Variants in ANTXR1 observed in about 807,000 individuals in gnomAD.
The protein encoded by ANTXR1 is ANTXR cell adhesion molecule 1.
Under a neutral mutation model 78.1 loss-of-function variants are expected in ANTXR1, and 19 were observed. The observed-to-expected ratio is 0.24, with a 90% CI of 0.17 to 0.36. ANTXR1 has a LOEUF of 0.36. ANTXR1 is among the 10% of genes least tolerant of loss of function. ANTXR1 has a pLI of 1.00. For synonymous variants in ANTXR1, 273 were observed against 260.5 expected, an observed-to-expected ratio of 1.05 and a Z score of -0.46; for missense variants, 518 against 718.6, an observed-to-expected ratio of 0.72 and a Z score of 3.19.
intron 17 of ANTXR1, among the ~76,000 whole-genome samples, chr2:69,193,978 G>T (rs1184306032): frequency 6.6e-6 from 1 of 152,266 alleles, no homozygotes; most frequent in Non-Finnish European, 1.5e-5. Context: ...TCAAGGCTAA[G>T]CTTGGAATAT....
chr2:69,139,791 A>G (rs547439004), intron 12 of ANTXR1, among the ~76,000 whole-genome samples: 1 of 152,358 alleles, frequency 6.6e-6, no homozygotes, highest in African/African-American at 2.4e-5. Context: ...AATCAGACCA[A>G]TTGAGCATAT....
chr2:69,220,647 T>G (rs1337604144), intron 17 of ANTXR1, among the ~76,000 whole-genome samples: 1 of 152,234 alleles, frequency 6.6e-6, no homozygotes, highest in Non-Finnish European at 1.5e-5. Flanking sequence ...TAAAACAACT[T>G]TTCAAAACAT....
intron 12 of ANTXR1, among the ~76,000 whole-genome samples, chr2:69,132,446 T>C (rs1335398812): frequency 6.6e-6 from 1 of 152,238 alleles, no homozygotes; most frequent in Non-Finnish European, 1.5e-5. Context: ...CCTGGTTTTG[T>C]AGTCATTATG....
At chr2:69,053,292 A>G (rs1256582236) in intron 3 of ANTXR1, among the ~76,000 whole-genome samples, 1 of 152,220 alleles carries the variant, frequency 6.6e-6, no homozygotes, top group African/African-American at 2.4e-5. Flanking sequence ...AAACATTTAT[A>G]TGTAGCATAA....
At chr2:69,016,745 CAT>C in intron 1 of ANTXR1, among the ~76,000 whole-genome samples, 2 of 152,282 alleles carry the variant, frequency 1.3e-5, no homozygotes, top group Middle Eastern at 6.8e-3. Flanking sequence ...ATTTTGTTTA[CAT>C]GTTTTTCTTA....
At chr2:69,151,043 AATT>A (rs1433821967) in intron 12 of ANTXR1, among the ~76,000 whole-genome samples, 5 of 152,008 alleles carry the variant, frequency 3.3e-5, no homozygotes, top group Non-Finnish European at 7.4e-5. Context: ...GAATAAATAA[AATT>A]ATTTGACAAT....
chr2:69,102,990 A>T, intron 10 of ANTXR1, 50 bp downstream of exon 10: 1 of 1,544,798 alleles, frequency 6.5e-7, no homozygotes, highest in Non-Finnish European at 9.0e-7. Flanking sequence ...GCTTCAAGGA[A>T]GGGAATTCCC....
rs1676060628 is a variant in ANTXR1, at chr2:69,248,124, CT to C, written c.*2640del. 6.0e-6 allele frequency: 1 copy of C among 165,636 alleles called. No individual in the cohort carries two copies. 10.3% of individuals were successfully genotyped at this position (165,636 alleles called of 1,614,324 possible). A position where few individuals can be genotyped will look rare whatever the true frequency, so the allele number is the denominator to read the frequency against. On this transcript the variant is annotated 3_prime_UTR_variant, in exon 18 of 18. Transcript: ENST00000303714. ...AATCCATCAATACTTGTGTCATTCCCTGTAAAAGGCAGGAGACATGTGATTA... is the reference window on the plus strand; with the variant it reads ...AATCCATCAATACTTGTGTCATTCCCGTAAAAGGCAGGAGACATGTGATTA...
chr2:69,051,139 A>G (rs577212612), intron 3 of ANTXR1, among the ~76,000 whole-genome samples: 2 of 152,202 alleles, frequency 1.3e-5, no homozygotes, highest in East Asian at 3.9e-4. Context: ...TATAAAAGTT[A>G]GCTGGGCATG....
chr2:69,191,194 C>T (rs936096380), intron 16 of ANTXR1, among the ~76,000 whole-genome samples: 1 of 152,148 alleles, frequency 6.6e-6, no homozygotes, highest in Non-Finnish European at 1.5e-5. Context: ...TTTTTCAAGG[C>T]GTTTGTAAAT....
At chr2:69,225,512 C>T (rs1675424479) in intron 17 of ANTXR1, among the ~76,000 whole-genome samples, 1 of 152,032 alleles carries the variant, frequency 6.6e-6, no homozygotes, top group Non-Finnish European at 1.5e-5. Flanking sequence ...TTTAAAAATA[C>T]ATATATCAGA....
Position 69,152,157 on chromosome 2 carries a change from T to C in ANTXR1, c.952-12T>C, listed in dbSNP as rs1331432407. On this transcript the variant is annotated splice_polypyrimidine_tract_variant and intron_variant, in intron 12 of 17. Transcript: ENST00000303714. Reference sequence around the variant, plus strand: ...CATCCCGCTGCTGACCGCCTCTCTCTTGGCCCTGCAGTCTGACGGTTCCAT... The same window carrying C: ...CATCCCGCTGCTGACCGCCTCTCTCCTGGCCCTGCAGTCTGACGGTTCCAT... 6.2e-7 allele frequency: 1 copy of C among 1,613,812 alleles called. No homozygotes were observed. The highest frequency in any genetic ancestry group is 1.1e-5 in the South Asian group (1 of 91,078).
chr2:69,191,333 A>G (rs534160071), intron 16 of ANTXR1, among the ~76,000 whole-genome samples: 1 of 152,356 alleles, frequency 6.6e-6, no homozygotes, highest in African/African-American at 2.4e-5. Flanking sequence ...ATATGTGTAT[A>G]TAATCCACCA....
At chr2:69,104,665 AAAG>A (rs1489968825) in intron 10 of ANTXR1, among the ~76,000 whole-genome samples, 1 of 152,210 alleles carries the variant, frequency 6.6e-6, no homozygotes, top group African/African-American at 2.4e-5. Context: ...AATACCTTCC[AAAG>A]AAGACTTCCC....
chr2:69,148,140 A>G (rs1673278607), intron 12 of ANTXR1, among the ~76,000 whole-genome samples: 1 of 152,102 alleles, frequency 6.6e-6, no homozygotes, highest in South Asian at 2.1e-4. Context: ...CCCCAGTGTC[A>G]CTGGGTTAAA....
At chr2:69,049,748 C>T (rs1669875736) in intron 3 of ANTXR1, among the ~76,000 whole-genome samples, 1 of 152,148 alleles carries the variant, frequency 6.6e-6, no homozygotes, top group South Asian at 2.1e-4. Flanking sequence ...GCTAGTATAT[C>T]TTCCTGTGTA....
intron 16 of ANTXR1, among the ~76,000 whole-genome samples, chr2:69,188,034 CAAAAAAAAAAAAAAAAA>C (rs34500820): frequency 2.2e-5 from 2 of 90,828 alleles, no homozygotes; most frequent in African/African-American, 7.4e-5. Flanking sequence ...TGCTGCCTGG[CAAAAAAAAAAAAAAAAA>C]AAAAAAAAAA....
intron 12 of ANTXR1, among the ~76,000 whole-genome samples, chr2:69,133,341 G>A (rs901822146): frequency 1.3e-5 from 2 of 152,120 alleles, no homozygotes; most frequent in Non-Finnish European, 2.9e-5. Flanking sequence ...TCCCCTGTAG[G>A]TTCCTTCGCC....
intron 16 of ANTXR1, among the ~76,000 whole-genome samples, chr2:69,191,282 A>G (rs897365322): frequency 6.6e-6 from 1 of 152,218 alleles, no homozygotes; most frequent in African/African-American, 2.4e-5. Context: ...AACCCACAAG[A>G]ACTCAAACAA....
Sources: gnomAD v4.1 joint callset for allele counts (sites outside exome capture counted in the v4.1 genomes callset) on GRCh38, gnomAD v4.1.1 for gene constraint, MANE v1.5 for transcripts, NCBI Gene and HGNC (gene_info 2026-07-23, HGNC 2026-07-21) for gene names.